The following TUBB8 variants were observed in gnomAD, a reference collection of about 807,000 sequenced individuals.
The protein encoded by TUBB8 is tubulin beta 8 class VIII.
Under a neutral mutation model 33.7 loss-of-function variants are expected in TUBB8, and 25 were observed. The observed-to-expected ratio is 0.74, with a 90% CI of 0.54 to 1.04. The LOEUF (loss-of-function observed/expected upper bound fraction) is 1.04. Ranked by LOEUF, TUBB8 falls within the 50% of genes least tolerant of loss-of-function variation. The probability of loss-of-function intolerance (pLI) is 0.00; values close to 1 mark genes in which losing one functional copy is unlikely to be tolerated. For missense variants in TUBB8, 279 were observed against 608.0 expected, an observed-to-expected ratio of 0.46 and a Z score of 5.69; for synonymous variants, 245 against 240.1, an observed-to-expected ratio of 1.02 and a Z score of -0.19.
chr10:51,084 T>C (rs1554739520), upstream of TUBB8, among the ~76,000 whole-genome samples: 7 of 152,244 alleles, frequency 4.6e-5, no homozygotes, highest in Non-Finnish European at 1.0e-4. Context: ...GATGGGTCTT[T>C]CCCATGCTGT....
downstream of TUBB8, chr10:46,856 G>A (rs1554737863): frequency 4.3e-6 from 2 of 469,026 alleles, no homozygotes; most frequent in African/African-American, 2.2e-5. Flanking sequence ...GCAGTAGCCA[G>A]AGGGCCCATA....
At position 47,049 on chromosome 10, in the gene TUBB8, G is replaced by A; in HGVS notation, c.*8C>T. On this transcript the variant is annotated 3_prime_UTR_variant, in exon 4 of 4. Coordinates refer to ENST00000568584, the MANE Select transcript of TUBB8 (RefSeq NM_177987.3). ...CTGCTTCCCCCCTTTACCTAGAAAA[G>A]GAGAGTTCTAGGCCACCTCCTCCTC... 1.1e-6 allele frequency: 1 copy of A among 907,506 alleles called. No homozygotes were observed. Among genetic ancestry groups the A allele is most frequent in the South Asian group, 1.5e-5 (1 of 67,700 alleles). 56.2% of individuals were successfully genotyped at this position (907,506 alleles called of 1,614,324 possible).
At chr10:76,294 A>G (rs1172640109), upstream of TUBB8, among the ~76,000 whole-genome samples, 1 of 151,950 alleles carries the variant, frequency 6.6e-6, no homozygotes, top group East Asian at 1.9e-4. Context: ...GTCTCTCCCC[A>G]GAAACAAAAT....
chr10:66,898 A>G (rs1374659156), intron 1 of TUBB8, among the ~76,000 whole-genome samples: 1 of 152,182 alleles, frequency 6.6e-6, no homozygotes, highest in Non-Finnish European at 1.5e-5. Context: ...ACTTGAGCCC[A>G]GGAGACAGAG....
upstream of TUBB8, chr10:49,526 A>G (rs190052926): frequency 2.4e-5 from 15 of 633,222 alleles, no homozygotes; most frequent in Non-Finnish European, 3.5e-5. Context: ...AGTAAGACTA[A>G]ATCCCTAGCT....
At chr10:68,824 C>T (rs1453742011) in intron 1 of TUBB8, among the ~76,000 whole-genome samples, 1 of 152,228 alleles carries the variant, frequency 6.6e-6, no homozygotes, top group Non-Finnish European at 1.5e-5. Context: ...ACCCATTTCA[C>T]TTCACTGCCT....
upstream of TUBB8, among the ~76,000 whole-genome samples, chr10:51,040 G>C (rs552110779): frequency 6.6e-6 from 1 of 152,238 alleles, no homozygotes; most frequent in Non-Finnish European, 1.5e-5. Flanking sequence ...CATATATTGT[G>C]GGAGGGACCC....
chr10:62,927 C>T (rs1283700658), intron 1 of TUBB8, among the ~76,000 whole-genome samples: 1 of 152,152 alleles, frequency 6.6e-6, no homozygotes, highest in Non-Finnish European at 1.5e-5. Flanking sequence ...TTTCTTTATC[C>T]TTAACCTTTG....
upstream of TUBB8, among the ~76,000 whole-genome samples, chr10:51,936 G>A (rs1217286787): frequency 6.6e-6 from 1 of 152,198 alleles, no homozygotes; most frequent in Non-Finnish European, 1.5e-5. Context: ...TCTTTCCTGG[G>A]GCTGCCTCCA....
chr10:66,204 C>G (rs1554741589), intron 1 of TUBB8, among the ~76,000 whole-genome samples: 1 of 152,254 alleles, frequency 6.6e-6, no homozygotes, highest in Non-Finnish European at 1.5e-5. Flanking sequence ...TGGCTACTCA[C>G]AGATCACAGG....
chr10:49,181 C>A lies in TUBB8; in HGVS notation c.57+1G>T, dbSNP rs1554739033. 2 of 1,571,344 alleles carry A rather than the reference C, an allele frequency of 1.3e-6. No homozygotes were observed. The highest frequency in any genetic ancestry group is 1.7e-6 in the Non-Finnish European group (2 of 1,159,196). ...AGGCCCTCAGAGCCCCGGCTGCCAACCTTGGCGCCGATCTGATTCCCGCAC... is the reference window on the plus strand; with the variant it reads ...AGGCCCTCAGAGCCCCGGCTGCCAAACTTGGCGCCGATCTGATTCCCGCAC... On this transcript the variant is annotated splice_donor_variant, in intron 1 of 3. Coordinates refer to ENST00000568584, the MANE Select transcript of TUBB8 (RefSeq NM_177987.3). LOFTEE classifies it high-confidence loss of function.
intron 1 of TUBB8, among the ~76,000 whole-genome samples, chr10:61,545 C>T (rs542939851): frequency 6.6e-6 from 1 of 152,182 alleles, no homozygotes; most frequent in East Asian, 1.9e-4. Flanking sequence ...TGAAAATAAC[C>T]CATGTGCAGA....
intron 1 of TUBB8, among the ~76,000 whole-genome samples, chr10:61,699 C>T (rs1331001121): frequency 1.3e-5 from 2 of 152,146 alleles, no homozygotes; most frequent in African/African-American, 2.4e-5. Flanking sequence ...AGTAGGGTGT[C>T]GAAGTGTTCA....
At position 46,900 on chromosome 10, in the gene TUBB8, G is replaced by C. The variant is rs1554737874; in HGVS notation, c.*157C>G. 8.9e-6 allele frequency: 5 copies of C among 559,076 alleles called. No individual in the cohort carries two copies. The highest frequency in any genetic ancestry group is 1.6e-5 in the Non-Finnish European group (5 of 317,464). 34.6% of individuals were successfully genotyped at this position (559,076 alleles called of 1,614,324 possible). A position where few individuals can be genotyped will look rare whatever the true frequency, so the allele number is the denominator to read the frequency against. On this transcript the variant is annotated 3_prime_UTR_variant, in exon 4 of 4. Transcript: ENST00000568584. ...ATGGAGGCAAAACCAGATGCTGTGA[G>C]AATACTTTATTAGTCAAAACCGCAT...
At chr10:72,213 T>A in intron 1 of TUBB8, among the ~76,000 whole-genome samples, 1 of 142,532 alleles carries the variant, frequency 7.0e-6, no homozygotes, top group Admixed American at 7.2e-5. Flanking sequence ...CAACAGGAGC[T>A]AAACTCTGTC....
chr10:49,025 G>A (rs1834422197), intron 1 of TUBB8, 113 bp from the exon 2 acceptor site: 3 of 1,179,706 alleles, frequency 2.5e-6, no homozygotes, highest in Middle Eastern at 2.9e-4. Context: ...CCCTGTCCCT[G>A]GGGTCCACCC....
chr10:76,537 C>T (rs1476413450), upstream of TUBB8, among the ~76,000 whole-genome samples: 1 of 152,060 alleles, frequency 6.6e-6, no homozygotes, highest in Admixed American at 6.5e-5. Context: ...CCCCAGGTGT[C>T]CCGAAGCCCC....
chr10:58,690 T>C (rs2130941485), intron 1 of TUBB8, among the ~76,000 whole-genome samples: 1 of 152,292 alleles, frequency 6.6e-6, no homozygotes, highest in South Asian at 2.1e-4. Context: ...ATCATGAAGA[T>C]AGTACCAAGT....
chr10:74,168 A>G (rs1564214524), upstream of TUBB8: 1 of 148,336 alleles, frequency 6.7e-6, no homozygotes, highest in Non-Finnish European at 1.5e-5. Flanking sequence ...CGGTTCGGAC[A>G]CGGTTCGCGC....
Sources: gnomAD v4.1 joint callset for allele counts (sites outside exome capture counted in the v4.1 genomes callset) on GRCh38, gnomAD v4.1.1 for gene constraint, MANE v1.5 for transcripts, NCBI Gene and HGNC (gene_info 2026-07-23, HGNC 2026-07-21) for gene names.